OSBPL10: variants seen among roughly 807,000 people sequenced by gnomAD.
OSBPL10 encodes the protein oxysterol-binding protein-related protein 10.
Under a neutral mutation model 81.7 loss-of-function variants are expected in OSBPL10, and 49 were observed. The ratio of observed to expected loss-of-function variants is 0.60; its 90% CI spans 0.48 to 0.76. OSBPL10 has a LOEUF of 0.76. Ranked by LOEUF, OSBPL10 falls within the 30% of genes least tolerant of loss-of-function variation. The pLI is 0.00. For missense variants in OSBPL10, 923 were observed against 987.8 expected (o/e 0.93, Z 0.88); for synonymous variants, 419 against 383.6 (o/e 1.09, Z -1.08).
chr3:31,776,960 A>C (rs2125760499), intron 4 of OSBPL10, among the ~76,000 whole-genome samples: 1 of 152,338 alleles, frequency 6.6e-6, no homozygotes, highest in Non-Finnish European at 1.5e-5. Flanking sequence ...TCAATAAAAC[A>C]ATTTTTAAAA....
At chr3:31,848,178 G>GGT (rs1239364865) in intron 3 of OSBPL10, among the ~76,000 whole-genome samples, 2 of 151,984 alleles carry the variant, frequency 1.3e-5, no homozygotes, top group African/African-American at 4.8e-5. Flanking sequence ...TTCTGGGCAT[G>GGT]GTGTGATAGG....
intron 4 of OSBPL10, among the ~76,000 whole-genome samples, chr3:31,785,039 C>A (rs1226556361): frequency 6.6e-6 from 1 of 152,044 alleles, no homozygotes; most frequent in Non-Finnish European, 1.5e-5. Context: ...TACCTGCCAA[C>A]ACACTTGGTT....
At chr3:31,732,544 T>A (rs1198069692) in intron 6 of OSBPL10, 2 of 152,262 alleles carry the variant, frequency 1.3e-5, no homozygotes, top group Non-Finnish European at 2.9e-5. Flanking sequence ...ATCATGTGCA[T>A]CAAAAGAACA....
At chr3:31,809,480 C>T (rs1172086094) in intron 4 of OSBPL10, among the ~76,000 whole-genome samples, 1 of 152,168 alleles carries the variant, frequency 6.6e-6, no homozygotes, top group Non-Finnish European at 1.5e-5. Flanking sequence ...GTATATCATT[C>T]AGATGTCAGT....
At position 31,746,225 on chromosome 3, in the gene OSBPL10, T is replaced by C. The variant is rs757784581; in HGVS notation, c.940+1685A>G. On this transcript the variant is annotated intron_variant, in intron 5 of 11. Transcript: ENST00000396556. The stretch of plus-strand genomic sequence containing the variant: ...CAACTAGAAATACTCCTGGTGTGTA[T>C]TCTAGAGGTATCCTCATGAGGGGAC... 3.0e-4 allele frequency among the ~76,000 whole-genome samples: 45 copies of C among 152,262 alleles called. 1 individual carries two copies. The highest frequency in any genetic ancestry group is 6.8e-3 in the Middle Eastern group (2 of 294).
intron 1 of OSBPL10, among the ~76,000 whole-genome samples, chr3:32,071,476 A>G (rs895248035): frequency 1.3e-5 from 2 of 152,160 alleles, no homozygotes; most frequent in Non-Finnish European, 2.9e-5. Context: ...TTTTCATTAC[A>G]CACAGCTGAA....
At chr3:32,030,886 C>A (rs982724930) in intron 2 of OSBPL10, among the ~76,000 whole-genome samples, 3 of 152,026 alleles carry the variant, frequency 2.0e-5, no homozygotes, top group Non-Finnish European at 4.4e-5. Context: ...ATTGAGGAGG[C>A]CGGGCGCGGT....
intron 8 of OSBPL10, among the ~76,000 whole-genome samples, chr3:31,682,030 T>G (rs1700662967): frequency 6.6e-6 from 1 of 152,094 alleles, no homozygotes; most frequent in Non-Finnish European, 1.5e-5. Context: ...TGGCAACACT[T>G]TCTCTCACAC....
intron 11 of OSBPL10, chr3:31,662,854 G>C: frequency 1.0e-6 from 1 of 985,398 alleles, no homozygotes; most frequent in Non-Finnish European, 1.2e-6. Context: ...AAGAGAAAAG[G>C]GAGCTAACCT....
chr3:31,794,304 C>T (rs977703456), intron 4 of OSBPL10, among the ~76,000 whole-genome samples: 8 of 152,214 alleles, frequency 5.3e-5, no homozygotes, highest in Non-Finnish European at 1.2e-4. Flanking sequence ...GCCACCACAC[C>T]CAGGTAATTT....
At chr3:31,909,797 C>T (rs921858592) in intron 1 of OSBPL10, among the ~76,000 whole-genome samples, 10 of 152,116 alleles carry the variant, frequency 6.6e-5, no homozygotes, top group African/African-American at 2.4e-4. Flanking sequence ...CATGAATCTA[C>T]TAGAATGGCC....
chr3:31,773,921 T>C (rs1172457067), intron 4 of OSBPL10, among the ~76,000 whole-genome samples: 2 of 151,942 alleles, frequency 1.3e-5, no homozygotes, highest in African/African-American at 4.8e-5. Flanking sequence ...CCCAACACTT[T>C]GGGAGGCCGA....
At chr3:31,943,811 C>CA (rs1275377686) in intron 1 of OSBPL10, among the ~76,000 whole-genome samples, 2 of 151,248 alleles carry the variant, frequency 1.3e-5, no homozygotes, top group Non-Finnish European at 2.9e-5. Context: ...ACTAAAAATA[C>CA]AAAAAAACTA....
chr3:32,012,318 C>T (rs1226206404), intron 2 of OSBPL10, among the ~76,000 whole-genome samples: 1 of 152,106 alleles, frequency 6.6e-6, no homozygotes, highest in East Asian at 1.9e-4. Context: ...ATTTTCAACC[C>T]AGAATTTCAT....
chr3:31,878,993 G>A (rs919662606), intron 2 of OSBPL10, among the ~76,000 whole-genome samples: 21 of 152,174 alleles, frequency 1.4e-4, no homozygotes, highest in Admixed American at 8.5e-4. Flanking sequence ...TTTATTACAA[G>A]TCTGACATTT....
chr3:31,774,414 C>T (rs1022257855), intron 4 of OSBPL10, among the ~76,000 whole-genome samples: 31 of 152,154 alleles, frequency 2.0e-4, no homozygotes, highest in Admixed American at 1.3e-4. Flanking sequence ...TCGAGGCTGG[C>T]TGACACAGGT....
chr3:31,940,694 CT>C (rs1209122084), intron 1 of OSBPL10, among the ~76,000 whole-genome samples: 2 of 152,048 alleles, frequency 1.3e-5, no homozygotes, highest in African/African-American at 4.8e-5. Flanking sequence ...TCCTTCACCC[CT>C]GGCCTCTCTG....
chr3:31,756,440 A>G lies in OSBPL10; in HGVS notation c.730-8320T>C, dbSNP rs76390587. Reference sequence around the variant, plus strand: ...AACAACCATCCCAACAGAATCAGACAGTAAAGACAGTTATAAAGAAGGAAG... The same window carrying G: ...AACAACCATCCCAACAGAATCAGACGGTAAAGACAGTTATAAAGAAGGAAG... On this transcript the variant is annotated intron_variant, in intron 4 of 11. Coordinates refer to ENST00000396556, the MANE Select transcript of OSBPL10 (RefSeq NM_017784.5). Among the ~76,000 whole-genome samples the G allele has an allele frequency of 1.1e-3, 173 of 152,308 alleles. 1 individual carries two copies. The highest frequency in any genetic ancestry group is 4.0e-3 in the African/African-American group (167 of 41,572).
At chr3:31,946,678 C>T (rs777098803) in intron 1 of OSBPL10, among the ~76,000 whole-genome samples, 2 of 152,130 alleles carry the variant, frequency 1.3e-5, no homozygotes, top group East Asian at 3.9e-4. Context: ...GGCATCTGCC[C>T]GGCTAAGGAG....
Sources: gnomAD v4.1 joint callset for allele counts (sites outside exome capture counted in the v4.1 genomes callset) on GRCh38, gnomAD v4.1.1 for gene constraint, MANE v1.5 for transcripts, NCBI Gene and HGNC (gene_info 2026-07-23, HGNC 2026-07-21) for gene names.